The following FFAR4 variants were observed in gnomAD, a reference collection of about 807,000 sequenced individuals.
FFAR4 encodes the protein free fatty acid receptor 4, also known as G-protein coupled receptor 120.
Under a neutral mutation model 27.0 loss-of-function variants are expected in FFAR4, and 19 were observed. That is an observed-to-expected ratio of 0.70 (90% CI 0.49 to 1.03). The LOEUF is 1.03. FFAR4 is among the 50% of genes least tolerant of loss of function. The pLI is 0.00. For missense variants in FFAR4, 476 were observed against 479.0 expected, an observed-to-expected ratio of 0.99 and a Z score of 0.06; for synonymous variants, 254 against 215.6, an observed-to-expected ratio of 1.18 and a Z score of -1.56.
chr10:93,581,622 G>T (rs1017075550), intron 2 of FFAR4, among the ~76,000 whole-genome samples: 9 of 152,258 alleles, frequency 5.9e-5, no homozygotes, highest in African/African-American at 1.9e-4. Flanking sequence ...TCTCAAAAAG[G>T]TCTGTCCTCA....
rs59698833 is a variant in FFAR4 at position 93,587,787 on chromosome 10, T to C, written c.*178T>C. The C allele has an allele frequency of 1.6e-3, 1,050 of 640,450 alleles. 4 individuals are homozygous for C. Among genetic ancestry groups the C allele is most frequent in the African/African-American group, 0.014 (781 of 54,638 alleles). The allele number at this position is 640,450 out of a possible 1,614,324, so 39.7% of individuals were successfully genotyped here. ...CACCAAGTTTCATAATATTTTCCCTTTATAAAAGGATTTGTTGGCCAGGTG... is the reference window on the plus strand; with the variant it reads ...CACCAAGTTTCATAATATTTTCCCTCTATAAAAGGATTTGTTGGCCAGGTG... On this transcript the variant is annotated 3_prime_UTR_variant, in exon 3 of 3. Transcript: ENST00000371481.
chr10:93,567,194 G>T lies in FFAR4; in HGVS notation c.474G>T (p.Leu158=). The T allele has an allele frequency of 6.2e-7, 1 of 1,603,262 alleles. No individual in the cohort carries two copies. ...CTGGGCGGCGGGCGCGGGCAGTGCT[G>T]CTGGCGCTCATCTGGGGCTATTCGG... ...RGPGRRARAV[L]LALIWGYSAV... The change falls in exon 1 of 3, where the codon CTG becomes CTT. Residue 158 remains leucine, a synonymous_variant. Transcript: ENST00000371481.
chr10:93,574,550 G>A (rs777336905), intron 1 of FFAR4, among the ~76,000 whole-genome samples: 4 of 152,134 alleles, frequency 2.6e-5, no homozygotes, highest in Admixed American at 2.0e-4. Flanking sequence ...GTTTTCTGGA[G>A]AGCAGTAGTA....
At position 93,583,096 on chromosome 10, in the gene FFAR4, G is replaced by A. The variant is rs7092089; in HGVS notation, c.697-4124G>A. The stretch of plus-strand genomic sequence containing the variant: ...AGGGATACAGATCCAAACCATATCC[G>A]GGTCAGAGGTAAGAGGGACGCCTGG... On this transcript the variant is annotated intron_variant, in intron 2 of 2. Coordinates refer to ENST00000371481, the MANE Select transcript of FFAR4 (RefSeq NM_001195755.2). 8.6e-3 allele frequency among the ~76,000 whole-genome samples: 1,306 copies of A among 151,954 alleles called. 21 individuals are homozygous for A. Among genetic ancestry groups the A allele is most frequent in the African/African-American group, 0.03 (1,224 of 41,440 alleles).
rs761734188 is a variant in FFAR4, at chr10:93,576,187, G to A, written c.664G>A (p.Val222Ile). Residue 222 changes from valine (V) to isoleucine (I), a missense_variant, in exon 2 of 3, where the codon GTC becomes ATC. Physicochemically the swap from Val to Ile is conservative, Grantham distance 29 (BLOSUM62 3). Coordinates refer to ENST00000371481, the MANE Select transcript of FFAR4 (RefSeq NM_001195755.2). ...VTLNFLVPGLVIVISYSKILQ... is the reference protein window; with the variant it reads ...VTLNFLVPGLIIVISYSKILQ... ...TTTGAACTTCTTGGTGCCAGGACTG[G>A]TCATTGTGATCAGTTACTCCAAAAT... 1.9e-6 allele frequency: 3 copies of A among 1,613,904 alleles called. No individual in the cohort carries two copies. In the South Asian group the frequency reaches 3.3e-5, roughly 18 times the overall value.
intron 1 of FFAR4, among the ~76,000 whole-genome samples, chr10:93,575,522 C>A (rs1460919270): frequency 2.0e-5 from 3 of 152,198 alleles, no homozygotes; most frequent in Non-Finnish European, 4.4e-5. Context: ...TGATCTTTGC[C>A]TTGGGGCTCT....
At position 93,570,661 on chromosome 10, in the gene FFAR4, G is replaced by A. The variant is rs559699098; in HGVS notation, c.567+3374G>A. ...CCCCTTAGAGCTTCTGCCGACCCAA[G>A]AGCCTTCCTGAAACAGAAACTCAAT... On this transcript the variant is annotated intron_variant, in intron 1 of 2. Transcript: ENST00000371481. Among the ~76,000 whole-genome samples, 5 of 152,290 alleles carry A rather than the reference G, an allele frequency of 3.3e-5. No homozygotes were observed. In the East Asian group the frequency reaches 7.7e-4, roughly 23 times the overall value.
intron 1 of FFAR4, among the ~76,000 whole-genome samples, chr10:93,568,805 T>C (rs904666175): frequency 2.6e-5 from 4 of 152,068 alleles, no homozygotes; most frequent in Admixed American, 2.6e-4. Flanking sequence ...GTGGAATACA[T>C]TGTGGGGTGT....
intron 2 of FFAR4, among the ~76,000 whole-genome samples, chr10:93,578,290 G>A (rs114915876): frequency 0.012 from 1,874 of 151,838 alleles, 41 homozygotes; most frequent in African/African-American, 0.043. Context: ...AGTGGTGGGC[G>A]TCTGTAATCC....
At position 93,579,070 on chromosome 10, in the gene FFAR4, C is replaced by G. The variant is rs897621779; in HGVS notation, c.696+2851C>G. On this transcript the variant is annotated intron_variant, in intron 2 of 2. Transcript: ENST00000371481. ...GACCTGAGGAGTTGGGGCAGCTGTCCTTTTAGCCACCCACCTCTAAACAGC... is the reference window on the plus strand; with the variant it reads ...GACCTGAGGAGTTGGGGCAGCTGTCGTTTTAGCCACCCACCTCTAAACAGC... 5.8e-6 allele frequency: 7 copies of G among 1,214,748 alleles called. No homozygotes were observed. The African/African-American group carries it at 1.0e-4, about 18-fold the overall frequency. 75.2% of individuals were successfully genotyped at this position (1,214,748 alleles called of 1,614,324 possible). A position where few individuals can be genotyped will look rare whatever the true frequency, so the allele number is the denominator to read the frequency against.
Position 93,566,946 on chromosome 10 carries a change from T to G in FFAR4, c.226T>G (p.Cys76Gly), listed in dbSNP as rs147767392. The change falls in exon 1 of 3, where the codon TGC (cysteine) becomes GGC (glycine). Residue 76 changes from cysteine (C) to glycine (G), a missense_variant. Cys to Gly is a radical substitution (Grantham distance 159). Transcript: ENST00000371481. ...ARRRRRGATA[C>G]LVLNLFCADL... ...CCGACGACGCCGCGGCGCGACTGCC[T>G]GCCTGGTACTCAACCTCTTCTGCGC... The G allele has an allele frequency of 6.2e-7, 1 of 1,610,754 alleles. No individual in the cohort carries two copies. Among genetic ancestry groups the G allele is most frequent in the Non-Finnish European group, 8.5e-7 (1 of 1,179,440 alleles).
chr10:93,574,930 T>C (rs2058154783), intron 1 of FFAR4, among the ~76,000 whole-genome samples: 1 of 152,164 alleles, frequency 6.6e-6, no homozygotes, highest in Non-Finnish European at 1.5e-5. Context: ...CAGGTTTCTT[T>C]CCAGTCACCA....
At chr10:93,583,378 T>C (rs2058210693) in intron 2 of FFAR4, among the ~76,000 whole-genome samples, 1 of 148,828 alleles carries the variant, frequency 6.7e-6, no homozygotes, top group Admixed American at 6.7e-5. Context: ...ATGGCGCCAC[T>C]GCACTTCAGC....
rs1435766407 is a variant in FFAR4 at position 93,589,157 on chromosome 10, C to T, written c.*1548C>T. ...GCCTTTAATGCTGAGATGAGGGGTA[C>T]CCGGCTGGGGCCTGTCAGTTGAGGC... On this transcript the variant is annotated 3_prime_UTR_variant, in exon 3 of 3. Transcript: ENST00000371481. The T allele has an allele frequency of 6.6e-6, 1 of 152,310 alleles. No homozygotes were observed. The highest frequency in any genetic ancestry group is 1.5e-5 in the Non-Finnish European group (1 of 68,148). The allele number at this position is 152,310 out of a possible 1,614,324, so 9.4% of individuals were successfully genotyped here. A position where few individuals can be genotyped will look rare whatever the true frequency, so the allele number is the denominator to read the frequency against.
At position 93,567,295 on chromosome 10, in the gene FFAR4, C is replaced by T; in HGVS notation, c.567+8C>T. ...CTCCCCGGCGCCGACCAGGTGAGCGCCCCTCTGTGTGTGCCGGGCAGGTGT... is the reference window on the plus strand; with the variant it reads ...CTCCCCGGCGCCGACCAGGTGAGCGTCCCTCTGTGTGTGCCGGGCAGGTGT... On this transcript the variant is annotated splice_region_variant and intron_variant, in intron 1 of 2. Transcript: ENST00000371481. 1.9e-6 allele frequency: 3 copies of T among 1,596,408 alleles called. No homozygotes were observed. Among genetic ancestry groups the T allele is most frequent in the Non-Finnish European group, 2.5e-6 (3 of 1,178,682 alleles).
At chr10:93,572,706 G>A (rs1256680711) in intron 1 of FFAR4, among the ~76,000 whole-genome samples, 2 of 152,150 alleles carry the variant, frequency 1.3e-5, no homozygotes, top group African/African-American at 4.8e-5. Flanking sequence ...CCTGATTCAG[G>A]GAGTGCAGGA....
intron 1 of FFAR4, among the ~76,000 whole-genome samples, chr10:93,569,574 C>A (rs967066254): frequency 6.6e-6 from 1 of 152,066 alleles, no homozygotes; most frequent in Non-Finnish European, 1.5e-5. Flanking sequence ...GATGGCTGGG[C>A]ACACAGACCT....
chr10:93,567,457 A>G (rs948979309), intron 1 of FFAR4, among the ~76,000 whole-genome samples, 170 bp downstream of exon 1: 28 of 152,240 alleles, frequency 1.8e-4, no homozygotes, highest in African/African-American at 6.5e-4. Context: ...CTTAAATCTC[A>G]CTACAACGCT....
intron 2 of FFAR4, 120 bp from the exon 3 acceptor site, chr10:93,587,100 C>G: frequency 1.2e-6 from 1 of 849,576 alleles, no homozygotes; most frequent in Non-Finnish European, 1.8e-6. Context: ...ACACAAAGTC[C>G]CAGAGGCACA....
Sources: gnomAD v4.1 joint callset for allele counts (sites outside exome capture counted in the v4.1 genomes callset) on GRCh38, gnomAD v4.1.1 for gene constraint, MANE v1.5 for transcripts, NCBI Gene and HGNC (gene_info 2026-07-23, HGNC 2026-07-21) for gene names.